EIF5A2: variants seen among roughly 807,000 people sequenced by gnomAD.
EIF5A2 encodes eukaryotic translation initiation factor 5A-2.
Under a neutral mutation model 16.4 loss-of-function variants are expected in EIF5A2, and 15 were observed. That is an observed-to-expected ratio of 0.92 (90% CI 0.61 to 1.41). The LOEUF is 1.41. Ranked by LOEUF, EIF5A2 falls within the 40% of genes most tolerant of loss-of-function variation. The pLI is 0.00. For missense variants in EIF5A2, 144 were observed against 189.5 expected (o/e 0.76, Z 1.41); for synonymous variants, 48 against 61.1 (o/e 0.79, Z 1.00).
chr3:170,908,398 G>C (rs60034662), intron 1 of EIF5A2, 145 bp downstream of exon 1: 20,880 of 152,768 alleles, frequency 0.14, 2,020 homozygotes, highest in African/African-American at 0.27. Flanking sequence ...GAGCCCCGGC[G>C]GGTCCCGCGC....
intron 3 of EIF5A2, among the ~76,000 whole-genome samples, chr3:170,899,001 TAAC>T (rs533815650): frequency 6.6e-5 from 10 of 152,194 alleles, no homozygotes; most frequent in Admixed American, 2.0e-4. Flanking sequence ...TACTCTTAGA[TAAC>T]AACAATTTAT....
rs34539321 is a variant in EIF5A2 at position 170,892,464 on chromosome 3, G to A, written c.*896C>T. 28,721 of 218,382 alleles carry A rather than the reference G, an allele frequency of 0.13. 2,420 individuals are homozygous for A. The highest frequency in any genetic ancestry group is 0.22 in the Middle Eastern group (142 of 652). 13.5% of individuals were successfully genotyped at this position (218,382 alleles called of 1,614,324 possible). A position where few individuals can be genotyped will look rare whatever the true frequency, so the allele number is the denominator to read the frequency against. ...AAAAAAAAAAGGAAGTTGGAAAGGA[G>A]TATTTACTGATAAATATTACTATTT... On this transcript the variant is annotated 3_prime_UTR_variant, in exon 5 of 5. Coordinates refer to ENST00000295822, the MANE Select transcript of EIF5A2 (RefSeq NM_020390.6).
intron 3 of EIF5A2, among the ~76,000 whole-genome samples, chr3:170,898,405 G>C (rs1712725371): frequency 1.3e-5 from 2 of 152,228 alleles, no homozygotes; most frequent in South Asian, 4.1e-4. Flanking sequence ...CCTGGTAGGA[G>C]GTGATTGGAT....
intron 3 of EIF5A2, among the ~76,000 whole-genome samples, chr3:170,901,050 T>C (rs1712800860): frequency 6.6e-6 from 1 of 152,192 alleles, no homozygotes; most frequent in Admixed American, 6.5e-5. Context: ...CTGAACTGAA[T>C]CTGATTAAGA....
At position 170,907,758 on chromosome 3, in the gene EIF5A2, T is replaced by C. The variant is rs754008977; in HGVS notation, c.49A>G (p.Thr17Ala). Residue 17 changes from threonine (T) to alanine (A), a missense_variant, in exon 2 of 5, where the codon ACT (threonine) becomes GCT (alanine). Transcript: ENST00000295822. ...AAGGCCGAGCACTGCATAGGGTAAG[T>C]GCTGGAAGCCCCGGCATCTCCAGTA... ...FTTGDAGASS[T>A]YPMQCSALRK... 6.3e-7 allele frequency: 1 copy of C among 1,588,630 alleles called. No individual in the cohort carries two copies. The highest frequency in any genetic ancestry group is 8.6e-7 in the Non-Finnish European group (1 of 1,160,286).
At chr3:170,907,488 T>G (rs971565329) in intron 2 of EIF5A2, among the ~76,000 whole-genome samples, 154 bp downstream of exon 2, 9 of 152,186 alleles carry the variant, frequency 5.9e-5, no homozygotes, top group African/African-American at 1.7e-4. Context: ...CCTTTAAGTA[T>G]TCAACGTAAT....
chr3:170,894,743 T>C (rs951555236), intron 3 of EIF5A2, among the ~76,000 whole-genome samples: 5 of 151,092 alleles, frequency 3.3e-5, no homozygotes, highest in Admixed American at 3.3e-4. Context: ...AATGGGATAT[T>C]GGGCCAAGTG....
chr3:170,907,966 C>T (rs755379812), intron 1 of EIF5A2, 125 bp from the exon 2 acceptor site: 2 of 660,230 alleles, frequency 3.0e-6, no homozygotes, highest in South Asian at 7.2e-5. Context: ...AACACCCACC[C>T]TAGACTAGTG....
intron 3 of EIF5A2, among the ~76,000 whole-genome samples, chr3:170,894,942 C>T (rs562802960): frequency 1.4e-5 from 2 of 145,014 alleles, no homozygotes; most frequent in Non-Finnish European, 3.0e-5. Context: ...AGGAGAATGG[C>T]GTGAACCCAG....
intron 3 of EIF5A2, among the ~76,000 whole-genome samples, chr3:170,905,949 GA>G (rs1186849235): frequency 6.6e-6 from 1 of 151,974 alleles, no homozygotes; most frequent in Non-Finnish European, 1.5e-5. Context: ...AAGCAACCTA[GA>G]AAACATTTAT....
At chr3:170,907,936 C>T in intron 1 of EIF5A2, 95 bp from the exon 2 acceptor site, 4 of 968,198 alleles carry the variant, frequency 4.1e-6, no homozygotes, top group Non-Finnish European at 5.7e-6. Context: ...ATCATGGGCC[C>T]GTTATTTCTG....
At chr3:170,900,366 C>CAA (rs1168908597) in intron 3 of EIF5A2, among the ~76,000 whole-genome samples, 84 of 63,462 alleles carry the variant, frequency 1.3e-3, no homozygotes, top group Non-Finnish European at 1.8e-3. Flanking sequence ...GACTCCATCT[C>CAA]AAAAAAAAAA....
At chr3:170,901,942 A>G (rs1221378390) in intron 3 of EIF5A2, among the ~76,000 whole-genome samples, 1 of 152,110 alleles carries the variant, frequency 6.6e-6, no homozygotes, top group Non-Finnish European at 1.5e-5. Context: ...TGAGAGACTG[A>G]ATGCTTTATC....
At chr3:170,894,836 C>G (rs547015916) in intron 3 of EIF5A2, among the ~76,000 whole-genome samples, 2 of 151,280 alleles carry the variant, frequency 1.3e-5, no homozygotes, top group African/African-American at 4.8e-5. Flanking sequence ...ACCATCCTGG[C>G]TAACACGGTG....
rs1712533527 is a variant in EIF5A2 at position 170,891,449 on chromosome 3, G to C, written c.*1911C>G. ...TTCTTGTGCTTTAGAAATTTCCTTT[G>C]TATTTCTCTTAAAGTATCTTGCTTC... On this transcript the variant is annotated 3_prime_UTR_variant, in exon 5 of 5. Transcript: ENST00000295822. The C allele has an allele frequency of 1.3e-5, 2 of 152,574 alleles. No individual in the cohort carries two copies. The highest frequency in any genetic ancestry group is 2.9e-5 in the Non-Finnish European group (2 of 68,006). 9.5% of individuals were successfully genotyped at this position (152,574 alleles called of 1,614,324 possible).
At chr3:170,894,948 C>A (rs888787592) in intron 3 of EIF5A2, among the ~76,000 whole-genome samples, 1 of 150,458 alleles carries the variant, frequency 6.6e-6, no homozygotes, top group Non-Finnish European at 1.5e-5. Flanking sequence ...ATGGCGTGAA[C>A]CCAGGAGGTG....
chr3:170,899,368 C>T (rs919226021), intron 3 of EIF5A2, among the ~76,000 whole-genome samples: 2 of 150,702 alleles, frequency 1.3e-5, no homozygotes, highest in Non-Finnish European at 2.9e-5. Flanking sequence ...TTACTGGGAC[C>T]ATAGGCATAC....
rs1168469731 is a variant in EIF5A2 at position 170,889,289 on chromosome 3, A to C, written c.*4071T>G. The C allele has an allele frequency of 6.6e-6, 1 of 152,348 alleles. No homozygotes were observed. The highest frequency in any genetic ancestry group is 1.5e-5 in the Non-Finnish European group (1 of 67,896). The allele number at this position is 152,348 out of a possible 1,614,324, so 9.4% of individuals were successfully genotyped here. ...GTTCAGATGTTTGTTTAATGGAAAA[A>C]CATTAAATTACATATTGGCTTCAAG... On this transcript the variant is annotated 3_prime_UTR_variant, in exon 5 of 5. Transcript: ENST00000295822.
At chr3:170,894,225 G>T in intron 4 of EIF5A2, 67 bp downstream of exon 4, 2 of 1,529,974 alleles carry the variant, frequency 1.3e-6, no homozygotes, top group Non-Finnish European at 1.8e-6. Context: ...AGTATTTTAT[G>T]TTAACTAGTT....
Sources: allele counts gnomAD v4.1 joint callset (sites outside exome capture counted in the v4.1 genomes callset), GRCh38; gene constraint gnomAD v4.1.1; transcripts MANE v1.5; gene names NCBI Gene and HGNC (gene_info 2026-07-23, HGNC 2026-07-21).